The following ANAPC16 variants were observed in gnomAD, a reference collection of about 807,000 sequenced individuals.
The protein encoded by ANAPC16 is anaphase-promoting complex subunit 16.
In ANAPC16, 6 loss-of-function variants were observed where a neutral mutation model predicts 13.1. That is an observed-to-expected ratio of 0.46 (90% CI 0.25 to 0.90). ANAPC16 has a LOEUF of 0.90. ANAPC16 is among the 40% of genes least tolerant of loss of function. The pLI, the probability that ANAPC16 is intolerant of heterozygous loss-of-function variation, is 0.18. For synonymous variants in ANAPC16, 55 were observed against 51.3 expected (o/e 1.07, Z -0.31); for missense variants, 113 against 131.1 (o/e 0.86, Z 0.67).
chr10:72,223,625 A>G (rs184407836), intron 1 of ANAPC16: 2 of 253,134 alleles, frequency 7.9e-6, no homozygotes, highest in East Asian at 1.5e-4. Context: ...ACCCACAGTC[A>G]ATCTTAGTTG....
chr10:72,223,946 G>C lies in ANAPC16; in HGVS notation c.32G>C (p.Gly11Ala). 2 of 1,609,358 alleles carry C rather than the reference G, an allele frequency of 1.2e-6. No individual in the cohort carries two copies. Among genetic ancestry groups the C allele is most frequent in the Non-Finnish European group, 1.7e-6 (2 of 1,176,360 alleles). The change falls in exon 2 of 4, where the codon GGT becomes GCT. Residue 11 changes from glycine to alanine, a missense_variant. By Grantham distance (60) the Gly-to-Ala change is moderately conservative (BLOSUM62 0). Transcript: ENST00000299381. ...GCTTCATCATCATCCTCCTCAGCTGGTGGGGTCAGTGGAAGTTCTGTCACT... is the reference window on the plus strand; with the variant it reads ...GCTTCATCATCATCCTCCTCAGCTGCTGGGGTCAGTGGAAGTTCTGTCACT... MAASSSSSSA[G>A]GVSGSSVTGS...
At chr10:72,218,008 G>T (rs770471503) in intron 1 of ANAPC16, among the ~76,000 whole-genome samples, 1 of 151,074 alleles carries the variant, frequency 6.6e-6, no homozygotes, top group Non-Finnish European at 1.5e-5. Context: ...TCGGATGAAG[G>T]GTACTCAACC....
chr10:72,223,758 G>C, intron 1 of ANAPC16, 130 bp from the exon 2 acceptor site: 3 of 651,640 alleles, frequency 4.6e-6, no homozygotes, highest in Non-Finnish European at 7.1e-6. Context: ...TATTGTGAAA[G>C]TAGAGAGCAT....
intron 3 of ANAPC16, among the ~76,000 whole-genome samples, chr10:72,231,274 A>C (rs1171822584): frequency 6.6e-6 from 1 of 152,110 alleles, no homozygotes; most frequent in Non-Finnish European, 1.5e-5. Flanking sequence ...GCAGTAGCTC[A>C]TGCCTCTAAT....
At chr10:72,232,111 A>G (rs1485646319) in intron 3 of ANAPC16, among the ~76,000 whole-genome samples, 1 of 147,974 alleles carries the variant, frequency 6.8e-6, no homozygotes, top group Non-Finnish European at 1.5e-5. Context: ...GCTTGGACCC[A>G]GGAGACAGAG....
chr10:72,217,233 G>T, intron 1 of ANAPC16: 1 of 357,310 alleles, frequency 2.8e-6, no homozygotes, highest in Non-Finnish European at 5.5e-6. Flanking sequence ...CTAGCACTTT[G>T]GGAGGCCGAG....
chr10:72,226,531 G>C (rs919105814), intron 2 of ANAPC16, among the ~76,000 whole-genome samples: 1 of 151,966 alleles, frequency 6.6e-6, no homozygotes, highest in Non-Finnish European at 1.5e-5. Flanking sequence ...AAATTAGCTG[G>C]GTGTGGTGGC....
chr10:72,231,293 G>T (rs564971975), intron 3 of ANAPC16, among the ~76,000 whole-genome samples: 3 of 151,908 alleles, frequency 2.0e-5, no homozygotes, highest in Admixed American at 1.3e-4. Flanking sequence ...ATCCCAGCAC[G>T]TTGGGAGGCT....
chr10:72,222,409 T>G (rs1859971708), intron 1 of ANAPC16, among the ~76,000 whole-genome samples: 1 of 105,160 alleles, frequency 9.5e-6, no homozygotes, highest in Admixed American at 9.0e-5. Context: ...AGAGCGAGAC[T>G]CCGTAAATAA....
intron 2 of ANAPC16, among the ~76,000 whole-genome samples, chr10:72,225,640 G>A (rs986240143): frequency 2.6e-5 from 4 of 152,074 alleles, no homozygotes; most frequent in Admixed American, 6.6e-5. Context: ...AGTAACTCAC[G>A]CCTGTAATCC....
chr10:72,233,281 A>T lies in ANAPC16; in HGVS notation c.*165A>T. 7.2e-6 allele frequency: 4 copies of T among 556,568 alleles called. No individual in the cohort carries two copies. The highest frequency in any genetic ancestry group is 3.2e-6 in the Non-Finnish European group (1 of 310,510). 34.5% of individuals were successfully genotyped at this position (556,568 alleles called of 1,614,324 possible). A position where few individuals can be genotyped will look rare whatever the true frequency, so the allele number is the denominator to read the frequency against. On this transcript the variant is annotated 3_prime_UTR_variant, in exon 4 of 4. Transcript: ENST00000299381. ...CTATTCACAGGCAACAAATACTTATATGTGTGATCTTTCAGGGAATGTTTT... is the reference window on the plus strand; with the variant it reads ...CTATTCACAGGCAACAAATACTTATTTGTGTGATCTTTCAGGGAATGTTTT...
At chr10:72,230,171 T>A (rs1367545144) in intron 2 of ANAPC16, among the ~76,000 whole-genome samples, 195 bp from the exon 3 acceptor site, 2 of 152,166 alleles carry the variant, frequency 1.3e-5, no homozygotes, top group Non-Finnish European at 2.9e-5. Flanking sequence ...GAGGGACTAT[T>A]TTAATATTCT....
intron 3 of ANAPC16, among the ~76,000 whole-genome samples, chr10:72,231,408 G>C (rs753444770): frequency 6.6e-6 from 1 of 151,954 alleles, no homozygotes; most frequent in Non-Finnish European, 1.5e-5. Flanking sequence ...GGAGAATGGT[G>C]GTGCATGCCT....
chr10:72,230,581 G>T, intron 3 of ANAPC16, 141 bp downstream of exon 3: 1 of 693,694 alleles, frequency 1.4e-6, no homozygotes, highest in South Asian at 1.8e-5. Flanking sequence ...TCTTAATCTA[G>T]TCATAATGTC....
chr10:72,230,283 A>G lies in ANAPC16; in HGVS notation c.143-83A>G. The G allele has an allele frequency of 3.8e-6, 4 of 1,061,350 alleles. No individual in the cohort carries two copies. The South Asian group carries it at 5.2e-5, about 14-fold the overall frequency. 65.7% of individuals were successfully genotyped at this position (1,061,350 alleles called of 1,614,324 possible). A position where few individuals can be genotyped will look rare whatever the true frequency, so the allele number is the denominator to read the frequency against. On this transcript the variant is annotated intron_variant, in intron 2 of 3. Coordinates refer to ENST00000299381, the MANE Select transcript of ANAPC16 (RefSeq NM_173473.4). ...TAGACCCTGAATGTACAAGCAGGGA[A>G]AAGAATAGACAAGTTTACTTGGTTT... is the stretch of plus-strand genomic sequence containing the variant.
chr10:72,220,325 CA>C (rs75738117), intron 1 of ANAPC16: 3,417 of 63,696 alleles, frequency 0.054, 57 homozygotes, highest in Non-Finnish European at 0.087. Flanking sequence ...AACTCCGTCT[CA>C]AAAAAAAAAA....
chr10:72,218,163 AAAATATAT>A (rs1859699227), intron 1 of ANAPC16, among the ~76,000 whole-genome samples: 2 of 34,216 alleles, frequency 5.8e-5, no homozygotes, highest in South Asian at 1.4e-3. Flanking sequence ...AAAAAAAAAA[AAAATATAT>A]ATATATATAT....
chr10:72,217,277 A>T (rs1169717681), intron 1 of ANAPC16: 1 of 346,252 alleles, frequency 2.9e-6, no homozygotes, highest in East Asian at 7.4e-5. Context: ...GATCGAGACC[A>T]TCCTGGCTAA....
chr10:72,222,471 TA>T (rs58236784), intron 1 of ANAPC16, among the ~76,000 whole-genome samples: 67,843 of 139,330 alleles, frequency 0.49, 16,213 homozygotes, highest in Middle Eastern at 0.54. Context: ...TGTCTCTATT[TA>T]AAAAAAAAAA....
Sources: gnomAD v4.1 joint callset for allele counts (sites outside exome capture counted in the v4.1 genomes callset) on GRCh38, gnomAD v4.1.1 for gene constraint, MANE v1.5 for transcripts, NCBI Gene and HGNC (gene_info 2026-07-23, HGNC 2026-07-21) for gene names.